Variants in DENND5B observed in about 807,000 individuals in gnomAD.
DENND5B encodes the protein DENN domain-containing protein 5B.
DENND5B carries 34 observed loss-of-function variants against 140.6 expected under a neutral mutation model. The ratio of observed to expected loss-of-function variants is 0.24; its 90% CI spans 0.18 to 0.32. DENND5B has a LOEUF of 0.32. DENND5B is among the 10% of genes least tolerant of loss of function. The pLI, the probability that DENND5B is intolerant of heterozygous loss-of-function variation, is 1.00. For missense variants in DENND5B, 1,142 were observed against 1,560.2 expected, an observed-to-expected ratio of 0.73 and a Z score of 4.52; for synonymous variants, 551 against 562.1, an observed-to-expected ratio of 0.98 and a Z score of 0.28.
At chr12:31,432,266 GGGAAGAAAATACAGTAGCC>G (rs1320815814) in intron 8 of DENND5B, 4 of 243,552 alleles carry the variant, frequency 1.6e-5, no homozygotes, top group Non-Finnish European at 2.6e-5. Flanking sequence ...AGAGAGGGAA[GGGAAGAAAATACAGTAGCC>G]GGAAAAAAAA....
At chr12:31,542,095 G>A (rs1948697046) in intron 1 of DENND5B, among the ~76,000 whole-genome samples, 1 of 152,004 alleles carries the variant, frequency 6.6e-6, no homozygotes, top group Non-Finnish European at 1.5e-5. Flanking sequence ...AGACCAGTCT[G>A]GCCAATACGG....
At chr12:31,554,578 C>T (rs1416594485) in intron 1 of DENND5B, among the ~76,000 whole-genome samples, 1 of 152,232 alleles carries the variant, frequency 6.6e-6, no homozygotes, top group African/African-American at 2.4e-5. Context: ...TTTGTCGCGT[C>T]CTCTGTATTT....
At chr12:31,421,933 TA>T (rs1943042981) in intron 11 of DENND5B, among the ~76,000 whole-genome samples, 1 of 152,126 alleles carries the variant, frequency 6.6e-6, no homozygotes, top group Non-Finnish European at 1.5e-5. Flanking sequence ...TGAATCTTTA[TA>T]AATATAGTTA....
intron 1 of DENND5B, among the ~76,000 whole-genome samples, chr12:31,552,888 TATTTCTGTGGG>T (rs1216724140): frequency 6.6e-6 from 1 of 152,230 alleles, no homozygotes; most frequent in Admixed American, 6.5e-5. Flanking sequence ...TGGTAGTTTG[TATTTCTGTGGG>T]ATCGGTGGTG....
intron 4 of DENND5B, among the ~76,000 whole-genome samples, chr12:31,457,761 T>C (rs1209622263): frequency 6.6e-6 from 1 of 151,942 alleles, no homozygotes; most frequent in Non-Finnish European, 1.5e-5. Flanking sequence ...TCGCCCAGGC[T>C]GGAGTGCAGT....
rs564682410 is a variant in DENND5B at position 31,481,265 on chromosome 12, AAATAC to A, written c.238-1015_238-1011del. Among the ~76,000 whole-genome samples the A allele has an allele frequency of 6.2e-4, 95 of 152,320 alleles. 1 individual carries two copies. Among genetic ancestry groups the A allele is most frequent in the Non-Finnish European group, 1.1e-3 (73 of 68,036 alleles). Reference sequence around the variant, plus strand: ...CTCCCACATCCCCACATTACCAAGAAAATACAATTCCTTTATTTCTTCATTCAAAC... The same window carrying A: ...CTCCCACATCCCCACATTACCAAGAAAATTCCTTTATTTCTTCATTCAAAC... On this transcript the variant is annotated intron_variant, in intron 2 of 20. Coordinates refer to ENST00000389082, the MANE Select transcript of DENND5B (RefSeq NM_144973.4).
chr12:31,422,733 T>C (rs1032327644), intron 11 of DENND5B, among the ~76,000 whole-genome samples: 1 of 152,182 alleles, frequency 6.6e-6, no homozygotes, highest in African/African-American at 2.4e-5. Flanking sequence ...TAAATGGTTA[T>C]TTTACATAAA....
intron 16 of DENND5B, among the ~76,000 whole-genome samples, chr12:31,398,678 G>A (rs1198981727): frequency 6.6e-6 from 1 of 152,148 alleles, no homozygotes; most frequent in Non-Finnish European, 1.5e-5. Flanking sequence ...ATAGAGTAGT[G>A]TTGGCTGTGA....
rs548427103 is a variant in DENND5B at position 31,494,227 on chromosome 12, T to G, written c.237+1583A>C. Among the ~76,000 whole-genome samples the G allele has an allele frequency of 1.8e-3, 212 of 117,974 alleles. 10 individuals are homozygous for G. The highest frequency in any genetic ancestry group is 6.2e-3 in the African/African-American group (205 of 33,120). The allele number at this position is 117,974 out of a possible 152,430, so 77.4% of individuals were successfully genotyped here. On this transcript the variant is annotated intron_variant, in intron 2 of 20. Transcript: ENST00000389082. ...ACCTACCTACCTACCTACCTCTACC[T>G]ACCTACCTACCTACCTACCTACCTA...
chr12:31,390,357 G>A (rs980711175), intron 19 of DENND5B, among the ~76,000 whole-genome samples: 1 of 152,220 alleles, frequency 6.6e-6, no homozygotes, highest in African/African-American at 2.4e-5. Flanking sequence ...AAATAGATTT[G>A]GCCAGGCATG....
intron 15 of DENND5B, among the ~76,000 whole-genome samples, chr12:31,402,246 TAGG>T (rs753540186): frequency 8.7e-6 from 1 of 114,758 alleles, no homozygotes; most frequent in African/African-American, 2.8e-5. Context: ...CTGAAAATAG[TAGG>T]AGAAGACCTA....
chr12:31,449,787 T>A (rs1468284470), intron 5 of DENND5B, among the ~76,000 whole-genome samples: 1 of 143,974 alleles, frequency 6.9e-6, no homozygotes, highest in Non-Finnish European at 1.5e-5. Context: ...TGGCGTCCAG[T>A]GGCGTGATCT....
At chr12:31,589,918 G>A (rs1286887951) in intron 1 of DENND5B, 2 of 152,374 alleles carry the variant, frequency 1.3e-5, no homozygotes, top group Non-Finnish European at 2.9e-5. Context: ...GCCCAGCACA[G>A]CCCCGCACTG....
At chr12:31,501,784 A>AAG (rs1295247761) in intron 1 of DENND5B, among the ~76,000 whole-genome samples, 3 of 151,550 alleles carry the variant, frequency 2.0e-5, no homozygotes, top group South Asian at 2.1e-4. Flanking sequence ...AAAAAAAAAA[A>AAG]AAAGAAAGAA....
At chr12:31,428,600 C>T (rs1465826889) in intron 8 of DENND5B, among the ~76,000 whole-genome samples, 2 of 151,302 alleles carry the variant, frequency 1.3e-5, no homozygotes, top group East Asian at 2.0e-4. Flanking sequence ...CGGAGTCTCG[C>T]TCTGTCACCC....
At chr12:31,390,819 T>C (rs940305629) in intron 19 of DENND5B, among the ~76,000 whole-genome samples, 5 of 151,958 alleles carry the variant, frequency 3.3e-5, no homozygotes, top group Non-Finnish European at 7.4e-5. Flanking sequence ...AGGACGGAAT[T>C]TGGGACCAGC....
In DENND5B at chr12:31,508,826, CAGG is replaced by C. The variant is rs1055694240; in HGVS notation, c.128-12910_128-12908del. Among the ~76,000 whole-genome samples the C allele has an allele frequency of 3.9e-5, 6 of 152,256 alleles. No individual in the cohort carries two copies. The South Asian group carries it at 1.2e-3, about 32-fold the overall frequency. ...ACTGAAAATCACACATCACATATAT[CAGG>C]AGGAGAACAATGACCTATAAGATGA... On this transcript the variant is annotated intron_variant, in intron 1 of 20. Coordinates refer to ENST00000389082, the MANE Select transcript of DENND5B (RefSeq NM_144973.4).
chr12:31,391,475 G>A (rs1410608465), intron 19 of DENND5B, among the ~76,000 whole-genome samples: 1 of 152,120 alleles, frequency 6.6e-6, no homozygotes, highest in East Asian at 1.9e-4. Flanking sequence ...TATTTGTTAT[G>A]TTTTTGTGTA....
At chr12:31,505,224 T>C (rs747141093) in intron 1 of DENND5B, among the ~76,000 whole-genome samples, 5 of 148,694 alleles carry the variant, frequency 3.4e-5, no homozygotes, top group Admixed American at 7.1e-5. Flanking sequence ...TCTCCAAGTA[T>C]AAGACAGAAT....
Sources: gnomAD v4.1 joint callset for allele counts (sites outside exome capture counted in the v4.1 genomes callset) on GRCh38, gnomAD v4.1.1 for gene constraint, MANE v1.5 for transcripts, NCBI Gene and HGNC (gene_info 2026-07-23, HGNC 2026-07-21) for gene names.